Variants in ZNRF1 observed in about 807,000 individuals in gnomAD.
The protein encoded by ZNRF1 is zinc and ring finger 1, also known as E3 ubiquitin-protein ligase ZNRF1.
In ZNRF1, 3 loss-of-function variants were observed where a neutral mutation model predicts 18.4. That is an observed-to-expected ratio of 0.16 (90% CI 0.07 to 0.42). ZNRF1 has a LOEUF of 0.42. ZNRF1 is among the 10% of genes least tolerant of loss of function. The pLI, the probability that ZNRF1 is intolerant of heterozygous loss-of-function variation, is 0.99. For synonymous variants in ZNRF1, 157 were observed against 144.2 expected (o/e 1.09, Z -0.64); for missense variants, 310 against 329.8 (o/e 0.94, Z 0.47).
chr16:75,104,658 C>A, intron 2 of ZNRF1, 126 bp from the exon 3 acceptor site: 1 of 718,240 alleles, frequency 1.4e-6, no homozygotes, highest in Non-Finnish European at 2.3e-6. Context: ...GGTTCTGTGT[C>A]CCCTGCAGAG....
rs981460535 is a variant in ZNRF1 at position 75,011,375 on chromosome 16, G to A, written c.424+11280G>A. Among the ~76,000 whole-genome samples the A allele has an allele frequency of 4.6e-5, 7 of 152,032 alleles. No homozygotes were observed. The East Asian group carries it at 9.6e-4, about 21-fold the overall frequency. On this transcript the variant is annotated intron_variant, in intron 1 of 4. Transcript: ENST00000335325. ...ATAACAGCATTTAAGTCAGCTTTTC[G>A]AAGAAACTTTTATTTTTTAACTAAA...
At chr16:75,092,773 G>A (rs2145421023) in intron 1 of ZNRF1, among the ~76,000 whole-genome samples, 1 of 152,312 alleles carries the variant, frequency 6.6e-6, no homozygotes, top group Admixed American at 6.5e-5. Context: ...GGGGGCTGTG[G>A]GTGAGGGAGA....
intron 1 of ZNRF1, among the ~76,000 whole-genome samples, chr16:75,000,908 AGGATTCAGAGAATCT>A (rs751982559): frequency 3.2e-4 from 49 of 152,294 alleles, no homozygotes; most frequent in Non-Finnish European, 6.5e-4. Context: ...GGGGAAAAGG[AGGATTCAGAGAATCT>A]GGATGAATTC....
chr16:75,056,075 A>G (rs1011894162), intron 1 of ZNRF1, among the ~76,000 whole-genome samples: 1 of 152,204 alleles, frequency 6.6e-6, no homozygotes. Flanking sequence ...GACTGTAATC[A>G]TTTTAGCCAT....
chr16:75,040,410 A>G (rs942053586), intron 1 of ZNRF1, among the ~76,000 whole-genome samples: 6 of 151,838 alleles, frequency 4.0e-5, no homozygotes, highest in African/African-American at 1.2e-4. Flanking sequence ...GTGAACCACC[A>G]CATCTGAAAG....
intron 1 of ZNRF1, among the ~76,000 whole-genome samples, chr16:75,001,990 G>A (rs1295418756): frequency 6.6e-6 from 1 of 152,118 alleles, no homozygotes; most frequent in Non-Finnish European, 1.5e-5. Flanking sequence ...GTGTATGGGA[G>A]GCTGCTATTA....
chr16:75,035,539 A>C (rs2035366701), intron 1 of ZNRF1, among the ~76,000 whole-genome samples: 1 of 152,206 alleles, frequency 6.6e-6, no homozygotes, highest in East Asian at 1.9e-4. Flanking sequence ...AGACTGAAGC[A>C]AATTTTAGAG....
chr16:75,108,957 G>C lies in ZNRF1; in HGVS notation c.*1257G>C, dbSNP rs2036348457. The C allele has an allele frequency of 5.6e-6, 1 of 179,030 alleles. No homozygotes were observed. The highest frequency in any genetic ancestry group is 6.2e-5 in the Admixed American group (1 of 16,116). 11.1% of individuals were successfully genotyped at this position (179,030 alleles called of 1,614,324 possible). A position where few individuals can be genotyped will look rare whatever the true frequency, so the allele number is the denominator to read the frequency against. ...AGTCAGCCCTCTGTGGAGTCATTGT[G>C]CTGGACCTCTGAAAAGATCTGCAGG... On this transcript the variant is annotated 3_prime_UTR_variant, in exon 5 of 5. Transcript: ENST00000335325.
chr16:75,052,845 G>A (rs761924774), intron 1 of ZNRF1, among the ~76,000 whole-genome samples: 1 of 152,204 alleles, frequency 6.6e-6, no homozygotes, highest in Non-Finnish European at 1.5e-5. Context: ...TTCACAAAAT[G>A]CACTCTTAAT....
chr16:75,045,928 G>A (rs567725413), intron 1 of ZNRF1, among the ~76,000 whole-genome samples: 1 of 151,732 alleles, frequency 6.6e-6, no homozygotes, highest in East Asian at 1.9e-4. Context: ...TTGAGATGGA[G>A]TTTCACTCTC....
intron 1 of ZNRF1, among the ~76,000 whole-genome samples, chr16:75,074,901 C>G (rs949304418): frequency 2.0e-5 from 3 of 152,026 alleles, no homozygotes; most frequent in East Asian, 3.8e-4. Flanking sequence ...GGCCCTGTCT[C>G]TATAAAAAGT....
chr16:75,004,255 T>C lies in ZNRF1; in HGVS notation c.424+4160T>C, dbSNP rs117845181. 5.4e-4 allele frequency among the ~76,000 whole-genome samples: 83 copies of C among 152,312 alleles called. 2 individuals carry two copies. The East Asian group carries it at 0.014, about 26-fold the overall frequency. ...GGGCTGCTTTTACTCATAATGCCGC[T>C]GATAAGGGCTGCTTTATAGAAGCAG... On this transcript the variant is annotated intron_variant, in intron 1 of 4. Coordinates refer to ENST00000335325, the MANE Select transcript of ZNRF1 (RefSeq NM_032268.5).
At chr16:75,081,640 G>A (rs983896329) in intron 1 of ZNRF1, among the ~76,000 whole-genome samples, 7 of 152,140 alleles carry the variant, frequency 4.6e-5, no homozygotes, top group African/African-American at 1.7e-4. Context: ...GTGTGTCGGC[G>A]GTGGAAACAG....
At chr16:75,092,640 C>T (rs2036153004) in intron 1 of ZNRF1, among the ~76,000 whole-genome samples, 4 of 152,218 alleles carry the variant, frequency 2.6e-5, no homozygotes, top group Admixed American at 2.6e-4. Context: ...GAGTTCAACT[C>T]GAAAGATTCT....
intron 1 of ZNRF1, among the ~76,000 whole-genome samples, chr16:75,074,104 G>A (rs1000602902): frequency 1.3e-5 from 2 of 152,062 alleles, no homozygotes; most frequent in East Asian, 1.9e-4. Flanking sequence ...ATTGAAACTC[G>A]TGCTGCTCCT....
chr16:75,048,454 A>T (rs1036183325), intron 1 of ZNRF1, among the ~76,000 whole-genome samples: 3 of 152,124 alleles, frequency 2.0e-5, no homozygotes, highest in East Asian at 3.8e-4. Context: ...TTGGCTCTCT[A>T]ATTCACCACT....
intron 1 of ZNRF1, among the ~76,000 whole-genome samples, chr16:75,055,982 G>A (rs1053502185): frequency 6.6e-6 from 1 of 152,170 alleles, no homozygotes; most frequent in Non-Finnish European, 1.5e-5. Context: ...CAGCTGCTCA[G>A]AATTTACCTC....
intron 1 of ZNRF1, among the ~76,000 whole-genome samples, chr16:75,051,467 C>A (rs2035603023): frequency 6.6e-6 from 1 of 152,058 alleles, no homozygotes; most frequent in Non-Finnish European, 1.5e-5. Flanking sequence ...CCTTGGCCTC[C>A]CAAAGTGTTG....
chr16:75,004,172 T>C (rs1424722585), intron 1 of ZNRF1, among the ~76,000 whole-genome samples: 1 of 152,162 alleles, frequency 6.6e-6, no homozygotes, highest in Non-Finnish European at 1.5e-5. Flanking sequence ...ACAGCTGTGC[T>C]AGCTGTAGCC....
Sources: allele counts gnomAD v4.1 joint callset (sites outside exome capture counted in the v4.1 genomes callset), GRCh38; gene constraint gnomAD v4.1.1; transcripts MANE v1.5; gene names NCBI Gene and HGNC (gene_info 2026-07-23, HGNC 2026-07-21).